The following SEL1L3 variants were observed in gnomAD, a reference collection of about 807,000 sequenced individuals.
The protein encoded by SEL1L3 is SEL1L family member 3, also known as protein sel-1 homolog 3.
In SEL1L3, 76 loss-of-function variants were observed where a neutral mutation model predicts 142.8. The ratio of observed to expected loss-of-function variants is 0.53; its 90% CI spans 0.44 to 0.64. The LOEUF is 0.64. Among genes scored for constraint, SEL1L3 ranks in the 30% least tolerant of loss-of-function variants. SEL1L3 has a pLI of 0.00. For missense variants in SEL1L3, 1,262 were observed against 1,381.7 expected (o/e 0.91, Z 1.37); for synonymous variants, 504 against 519.6 (o/e 0.97, Z 0.41).
intron 23 of SEL1L3, among the ~76,000 whole-genome samples, chr4:25,753,355 T>C (rs1324886832): frequency 6.6e-6 from 1 of 152,234 alleles, no homozygotes; most frequent in Non-Finnish European, 1.5e-5. Context: ...CTCTAACTTA[T>C]AGCAACAATC....
At chr4:25,741,141 G>A in the SEL1L3 span, among the ~76,000 whole-genome samples, 1 of 126,588 alleles carries the variant, frequency 7.9e-6, no homozygotes, top group African/African-American at 3.0e-5. Flanking sequence ...TTTTGCTCTT[G>A]TCACCCAGAC....
At chr4:25,772,542 G>T (rs1034224345) in intron 17 of SEL1L3, among the ~76,000 whole-genome samples, 1 of 151,518 alleles carries the variant, frequency 6.6e-6, no homozygotes, top group Non-Finnish European at 1.5e-5. Context: ...GCTCATGGCC[G>T]CATTGATCTT....
chr4:25,802,379 A>G lies in SEL1L3; in HGVS notation c.1860T>C (p.Ile620=). 1 of 1,613,794 alleles carries G rather than the reference A, an allele frequency of 6.2e-7. No individual in the cohort carries two copies. Among genetic ancestry groups the G allele is most frequent in the Non-Finnish European group, 8.5e-7 (1 of 1,179,770 alleles). The change falls in exon 11 of 24, where the codon ATT becomes ATC. Residue 620 remains isoleucine (I), a synonymous_variant. Transcript: ENST00000399878. The part of the protein sequence containing the change: ...MNLGYKHYQG[I]DNYPLDWELS... ...GTTCCCAGTCCAGGGGGTAGTTGTC[A>G]ATACCCTGGTAGTGTTTATACCCAA... is the stretch of plus-strand genomic sequence containing the variant.
chr4:25,775,043 G>A (rs2109154934), intron 17 of SEL1L3, among the ~76,000 whole-genome samples: 1 of 152,292 alleles, frequency 6.6e-6, no homozygotes, highest in African/African-American at 2.4e-5. Context: ...AAGTTTGTAG[G>A]GAGCAGAGGG....
the SEL1L3 span, among the ~76,000 whole-genome samples, chr4:25,736,281 T>C: frequency 8.7e-5 from 13 of 149,326 alleles, no homozygotes; most frequent in Admixed American, 2.0e-4. Context: ...TGGAGTGCAG[T>C]GGTGCGATCT....
At chr4:25,722,503 G>A in the SEL1L3 span, among the ~76,000 whole-genome samples, 1 of 152,196 alleles carries the variant, frequency 6.6e-6, no homozygotes, top group Non-Finnish European at 1.5e-5. Flanking sequence ...TGGATGTTGT[G>A]AGCTGCGCAA....
At chr4:25,804,417 G>A (rs752510453) in intron 10 of SEL1L3, 124 bp downstream of exon 10, 24 of 709,326 alleles carry the variant, frequency 3.4e-5, no homozygotes, top group Non-Finnish European at 5.6e-5. Flanking sequence ...TTTATCTTGA[G>A]TGTAAAGATT....
intron 9 of SEL1L3, among the ~76,000 whole-genome samples, chr4:25,806,022 T>TTTTTG (rs1164136782): frequency 4.0e-5 from 6 of 151,040 alleles, no homozygotes; most frequent in Non-Finnish European, 7.4e-5. Context: ...TTGTGGGTTT[T>TTTTTG]TTTTGTTTTG....
intron 7 of SEL1L3, among the ~76,000 whole-genome samples, chr4:25,820,594 G>C (rs1016474961): frequency 1.3e-5 from 2 of 152,304 alleles, no homozygotes; most frequent in African/African-American, 4.8e-5. Context: ...TATTTCAGTG[G>C]GTGGGAACCT....
rs16877652 is a variant in SEL1L3 at position 25,838,401 on chromosome 4, C to A, written c.734-3078G>T. Among the ~76,000 whole-genome samples, 1,194 of 152,208 alleles carry A rather than the reference C, an allele frequency of 7.8e-3. 19 individuals are homozygous for A. The highest frequency in any genetic ancestry group is 0.028 in the African/African-American group (1,151 of 41,534). ...GCAACAGATATTATATGGTGCAAAC[C>A]CCTCCATTTGGAGACAAGAAAAGTG... On this transcript the variant is annotated intron_variant, in intron 2 of 23. Coordinates refer to ENST00000399878, the MANE Select transcript of SEL1L3 (RefSeq NM_015187.5).
intron 11 of SEL1L3, among the ~76,000 whole-genome samples, chr4:25,795,198 G>A (rs371141004): frequency 6.6e-6 from 1 of 152,040 alleles, no homozygotes; most frequent in African/African-American, 2.4e-5. Flanking sequence ...CCTGTACCCC[G>A]GAACATAAAA....
At chr4:25,768,554 G>A (rs1259684302) in intron 17 of SEL1L3, among the ~76,000 whole-genome samples, 3 of 152,216 alleles carry the variant, frequency 2.0e-5, no homozygotes, top group African/African-American at 7.2e-5. Flanking sequence ...TACATACCAT[G>A]TGGCCCTACA....
At position 25,822,084 on chromosome 4, in the gene SEL1L3, A is replaced by G. The variant is rs893681379; in HGVS notation, c.1202T>C (p.Ile401Thr). Residue 401 changes from isoleucine to threonine, a missense_variant, in exon 7 of 24, where the codon ATT (isoleucine) becomes ACT (threonine). Transcript: ENST00000399878. ...AGCCACATACCTGCTCCCTCCAATA[A>G]TGAAGTACCCAGCTGTGTCATTATA... ...FHYNDTAGYFIIGGSRYVAGI... is the reference protein window; with the variant it reads ...FHYNDTAGYFTIGGSRYVAGI... The G allele has an allele frequency of 6.2e-7, 1 of 1,613,926 alleles. No homozygotes were observed.
At chr4:25,845,779 G>A (rs1716465500) in intron 2 of SEL1L3, among the ~76,000 whole-genome samples, 1 of 152,112 alleles carries the variant, frequency 6.6e-6, no homozygotes, top group African/African-American at 2.4e-5. Context: ...GAAATGTCAG[G>A]CACTTCCTGT....
chr4:25,856,415 T>C (rs1028070872), intron 1 of SEL1L3, among the ~76,000 whole-genome samples: 3 of 152,096 alleles, frequency 2.0e-5, no homozygotes, highest in Non-Finnish European at 2.9e-5. Flanking sequence ...TGTTCCACCT[T>C]GAAAGCAACA....
intron 11 of SEL1L3, among the ~76,000 whole-genome samples, chr4:25,794,638 T>C (rs1004231317): frequency 2.0e-5 from 3 of 152,136 alleles, no homozygotes; most frequent in Non-Finnish European, 4.4e-5. Flanking sequence ...AGTTCAACCA[T>C]TGTGGAAGAC....
At chr4:25,798,438 C>T (rs950840054) in intron 11 of SEL1L3, among the ~76,000 whole-genome samples, 1 of 151,816 alleles carries the variant, frequency 6.6e-6, no homozygotes, top group African/African-American at 2.4e-5. Flanking sequence ...TGGTGGATTC[C>T]GTGCAGAGAT....
chr4:25,823,839 G>A (rs1272269582), intron 6 of SEL1L3, among the ~76,000 whole-genome samples: 1 of 152,106 alleles, frequency 6.6e-6, no homozygotes, highest in African/African-American at 2.4e-5. Flanking sequence ...GTTGGATCAG[G>A]GAAACCAGGC....
chr4:25,831,498 A>C (rs1715432510), intron 5 of SEL1L3, among the ~76,000 whole-genome samples: 1 of 87,734 alleles, frequency 1.1e-5, no homozygotes, highest in Non-Finnish European at 2.2e-5. Context: ...TTTAAATAAT[A>C]ATAATAATAA....
Sources: gnomAD v4.1 joint callset for allele counts (sites outside exome capture counted in the v4.1 genomes callset) on GRCh38, gnomAD v4.1.1 for gene constraint, MANE v1.5 for transcripts, NCBI Gene and HGNC (gene_info 2026-07-23, HGNC 2026-07-21) for gene names.